ZNF704: variants seen among roughly 807,000 people sequenced by gnomAD.
ZNF704 encodes glucocorticoid induced gene 1.
A neutral mutation model predicts 44.7 loss-of-function variants in ZNF704; 10 were observed. The ratio of observed to expected loss-of-function variants is 0.22; its 90% confidence interval spans 0.14 to 0.38. ZNF704 has a LOEUF of 0.38. ZNF704 is among the 10% of genes least tolerant of loss of function. The probability of loss-of-function intolerance (pLI) is 1.00; values close to 1 mark genes in which losing one functional copy is unlikely to be tolerated. For synonymous variants in ZNF704, 211 were observed against 207.6 expected, an observed-to-expected ratio of 1.02 and a Z score of -0.14; for missense variants, 390 against 545.5, an observed-to-expected ratio of 0.71 and a Z score of 2.84.
chr8:80,729,887 C>T (rs914671731), intron 2 of ZNF704, among the ~76,000 whole-genome samples: 1 of 152,140 alleles, frequency 6.6e-6, no homozygotes, highest in Non-Finnish European at 1.5e-5. Flanking sequence ...ACTGCCGGAA[C>T]CCCCCTGAGC....
At chr8:80,760,670 A>AC (rs1563544261) in intron 2 of ZNF704, among the ~76,000 whole-genome samples, 3 of 151,602 alleles carry the variant, frequency 2.0e-5, no homozygotes, top group African/African-American at 4.8e-5. Context: ...AAAAAAAAAA[A>AC]AAAACCAAAA....
At chr8:80,726,699 G>A (rs1260500939) in intron 2 of ZNF704, among the ~76,000 whole-genome samples, 2 of 152,084 alleles carry the variant, frequency 1.3e-5, no homozygotes, top group East Asian at 3.8e-4. Flanking sequence ...TCCTATTTCA[G>A]TGTATGTTTA....
intron 7 of ZNF704, among the ~76,000 whole-genome samples, chr8:80,658,231 T>C (rs144088334): frequency 9.2e-5 from 14 of 152,280 alleles, no homozygotes; most frequent in Non-Finnish European, 1.3e-4. Flanking sequence ...CCATACATCA[T>C]TGAAAATTCT....
intron 2 of ZNF704, among the ~76,000 whole-genome samples, chr8:80,759,609 G>T (rs929609184): frequency 1.3e-5 from 2 of 152,154 alleles, no homozygotes; most frequent in Non-Finnish European, 2.9e-5. Context: ...CTGAGGAGAG[G>T]TCTAACTCTA....
rs201441247 is a variant in ZNF704 at position 80,664,812 on chromosome 8, C to T, written c.927+3G>A. The stretch of plus-strand genomic sequence containing the variant: ...ATTGCTCTCACAGTCCCCTGCAAGT[C>T]ACCTGGTAAGCATGGTCAGTGTGCA... On this transcript the variant is annotated splice_donor_region_variant and intron_variant, in intron 6 of 8. Coordinates refer to ENST00000327835, the MANE Select transcript of ZNF704 (RefSeq NM_001033723.3). 4.8e-5 allele frequency: 77 copies of T among 1,613,776 alleles called. No homozygotes were observed. The highest frequency in any genetic ancestry group is 6.7e-5 in the Admixed American group (4 of 60,004).
chr8:80,801,040 C>A (rs1586037241), intron 2 of ZNF704, among the ~76,000 whole-genome samples: 2 of 152,116 alleles, frequency 1.3e-5, no homozygotes, highest in Admixed American at 1.3e-4. Context: ...CACTTTAAAC[C>A]AACAAAGCTC....
At chr8:80,721,349 T>G (rs974030719) in intron 2 of ZNF704, among the ~76,000 whole-genome samples, 1 of 152,168 alleles carries the variant, frequency 6.6e-6, no homozygotes, top group Admixed American at 6.5e-5. Context: ...TCTGAACATC[T>G]TAGATACGTG....
intron 2 of ZNF704, among the ~76,000 whole-genome samples, chr8:80,711,455 A>G (rs1212059749): frequency 2.0e-5 from 3 of 152,234 alleles, no homozygotes; most frequent in Admixed American, 2.0e-4. Flanking sequence ...ATGTATAGAT[A>G]CATGCAAAAA....
chr8:80,772,497 C>T (rs373334543), intron 2 of ZNF704, among the ~76,000 whole-genome samples: 6 of 151,928 alleles, frequency 3.9e-5, no homozygotes, highest in Admixed American at 1.3e-4. Flanking sequence ...CTTACATGGC[C>T]GAAGCAGGAA....
At chr8:80,659,488 T>G (rs1818065069) in intron 7 of ZNF704, 97 bp downstream of exon 7, 4 of 910,040 alleles carry the variant, frequency 4.4e-6, no homozygotes, top group Non-Finnish European at 7.3e-6. Flanking sequence ...GGCATTCTGA[T>G]GTTTGTATTT....
intron 7 of ZNF704, among the ~76,000 whole-genome samples, chr8:80,657,370 A>G (rs184335135): frequency 6.6e-6 from 1 of 152,310 alleles, no homozygotes; most frequent in African/African-American, 2.4e-5. Flanking sequence ...CAATCAGCAC[A>G]ATTGGGAATT....
chr8:80,659,591 G>T lies in ZNF704; in HGVS notation c.1026C>A (p.Gly342=), dbSNP rs1818067404. 1.2e-6 allele frequency: 2 copies of T among 1,613,806 alleles called. No individual in the cohort carries two copies. Among genetic ancestry groups the T allele is most frequent in the South Asian group, 2.2e-5 (2 of 91,050 alleles). Residue 342 remains glycine, a synonymous_variant, in exon 7 of 9, where the codon GGC becomes GGA. Coordinates refer to ENST00000327835, the MANE Select transcript of ZNF704 (RefSeq NM_001033723.3). ...TTTTCGTTTTTCTACTTACTGGGAT[G>T]CCTGTGAAAGTGACCGGAGGAGATT... The part of the protein sequence containing the change: ...SWQSPPVTFT[G]IPVSPTHHPV...
intron 5 of ZNF704, 23 bp downstream of exon 5, chr8:80,670,480 C>T (rs1241327191): frequency 2.5e-6 from 4 of 1,579,904 alleles, no homozygotes; most frequent in Admixed American, 1.7e-5. Context: ...GGGGCTGCAT[C>T]CCTGAAGAGA....
intron 2 of ZNF704, among the ~76,000 whole-genome samples, chr8:80,719,725 A>T (rs1343499533): frequency 2.0e-5 from 3 of 152,154 alleles, no homozygotes; most frequent in African/African-American, 7.2e-5. Flanking sequence ...TGTTTTTAGG[A>T]AATGTGTTAG....
chr8:80,693,525 G>A (rs111516327), intron 2 of ZNF704, among the ~76,000 whole-genome samples: 2,595 of 152,312 alleles, frequency 0.017, 55 homozygotes, highest in African/African-American at 0.057. Flanking sequence ...GCTATGAAGC[G>A]CATAAACAGG....
Position 80,785,876 on chromosome 8 carries a change from G to T in ZNF704, c.221+35498C>A, listed in dbSNP as rs138925853. Reference sequence around the variant, plus strand: ...GGTGGGTGTTCTTCTTGCTACTGGGGTATTGTTTCTAGGCCATCTTGGCTG... The same window carrying T: ...GGTGGGTGTTCTTCTTGCTACTGGGTTATTGTTTCTAGGCCATCTTGGCTG... On this transcript the variant is annotated intron_variant, in intron 2 of 8. Transcript: ENST00000327835. 3.6e-4 allele frequency among the ~76,000 whole-genome samples: 55 copies of T among 152,236 alleles called. No homozygotes were observed. The East Asian group carries it at 0.01, about 28-fold the overall frequency.
intron 2 of ZNF704, among the ~76,000 whole-genome samples, chr8:80,722,128 T>C (rs1819176279): frequency 6.6e-6 from 1 of 152,152 alleles, no homozygotes. Flanking sequence ...TAGTCCCAGC[T>C]ACTCTGGAGG....
intron 1 of ZNF704, among the ~76,000 whole-genome samples, chr8:80,872,324 C>T (rs1303642209): frequency 2.0e-5 from 3 of 152,144 alleles, no homozygotes; most frequent in Non-Finnish European, 4.4e-5. Context: ...GCTGGTACTT[C>T]CAGGGTGGTC....
chr8:80,772,672 T>C (rs1807340761), intron 2 of ZNF704, among the ~76,000 whole-genome samples: 1 of 152,164 alleles, frequency 6.6e-6, no homozygotes, highest in African/African-American at 2.4e-5. Flanking sequence ...CAATTCAGCA[T>C]GCGATTTGGG....
Sources: gnomAD v4.1 joint callset for allele counts (sites outside exome capture counted in the v4.1 genomes callset) on GRCh38, gnomAD v4.1.1 for gene constraint, MANE v1.5 for transcripts, NCBI Gene and HGNC (gene_info 2026-07-23, HGNC 2026-07-21) for gene names.